ENPP2: variants seen among roughly 807,000 people sequenced by gnomAD.
The protein encoded by ENPP2 is ectonucleotide pyrophosphatase/phosphodiesterase 2, also known as autotaxin.
ENPP2 carries 51 observed loss-of-function variants against 120.2 expected under a neutral mutation model. The observed-to-expected ratio is 0.42, with a 90% CI of 0.34 to 0.54. The LOEUF (loss-of-function observed/expected upper bound fraction) is 0.54. Ranked by LOEUF, ENPP2 falls within the 20% of genes least tolerant of loss-of-function variation. The probability of loss-of-function intolerance (pLI) is 0.04; values close to 1 mark genes in which losing one functional copy is unlikely to be tolerated. For synonymous variants in ENPP2, 365 were observed against 366.4 expected, an observed-to-expected ratio of 1.00 and a Z score of 0.04; for missense variants, 920 against 1,066.5, an observed-to-expected ratio of 0.86 and a Z score of 1.91.
chr8:119,617,703 C>T (rs1207909911), intron 5 of ENPP2, 140 bp from the exon 6 acceptor site: 5 of 630,164 alleles, frequency 7.9e-6, no homozygotes, highest in South Asian at 3.9e-5. Flanking sequence ...AATCCCAGCA[C>T]TTTGGGAGTC....
At chr8:119,606,609 A>T (rs530357648) in intron 9 of ENPP2, among the ~76,000 whole-genome samples, 1 of 151,704 alleles carries the variant, frequency 6.6e-6, no homozygotes, top group Non-Finnish European at 1.5e-5. Context: ...ACCTCTTTAA[A>T]AAAAAAAAAA....
chr8:119,557,434 A>C lies in ENPP2; in HGVS notation c.*87T>G. The C allele has an allele frequency of 9.2e-7, 1 of 1,092,424 alleles. No homozygotes were observed. The highest frequency in any genetic ancestry group is 1.3e-6 in the Non-Finnish European group (1 of 756,668). 67.7% of individuals were successfully genotyped at this position (1,092,424 alleles called of 1,614,324 possible). ...ACAGGATTAAAATACTAACATTTTT[A>C]ATGTCCTGGTTTCAAATTAATAAAT... On this transcript the variant is annotated 3_prime_UTR_variant, in exon 25 of 25. Coordinates refer to ENST00000075322, the MANE Select transcript of ENPP2 (RefSeq NM_001040092.3).
At chr8:119,560,272 C>T (rs927790545) in intron 24 of ENPP2, among the ~76,000 whole-genome samples, 3 of 152,024 alleles carry the variant, frequency 2.0e-5, no homozygotes, top group African/African-American at 7.2e-5. Context: ...AGAATTTCAC[C>T]TCCCTACAAG....
intron 23 of ENPP2, 97 bp downstream of exon 23, chr8:119,564,726 G>T (rs1814265073): frequency 6.8e-6 from 6 of 878,222 alleles, no homozygotes; most frequent in African/African-American, 1.7e-5. Flanking sequence ...AACTTAAGGG[G>T]TGTCATCTCT....
chr8:119,621,681 T>C (rs1214273269), intron 3 of ENPP2, among the ~76,000 whole-genome samples, 162 bp from the exon 4 acceptor site: 1 of 152,192 alleles, frequency 6.6e-6, no homozygotes, highest in East Asian at 1.9e-4. Flanking sequence ...ATTTGGAGAA[T>C]TTACAGATAA....
intron 2 of ENPP2, among the ~76,000 whole-genome samples, chr8:119,629,949 G>A (rs938569046): frequency 3.3e-5 from 5 of 152,124 alleles, no homozygotes; most frequent in South Asian, 4.1e-4. Flanking sequence ...TCATTCCCAC[G>A]AGCTGCTTAA....
chr8:119,617,101 C>T lies in ENPP2; in HGVS notation c.657+63G>A, dbSNP rs16892873. 7,085 of 1,056,708 alleles carry T rather than the reference C, an allele frequency of 6.7e-3. 71 individuals carry two copies. Among genetic ancestry groups the T allele is most frequent in the African/African-American group, 0.043 (2,749 of 64,098 alleles). The allele number at this position is 1,056,708 out of a possible 1,614,324, so 65.5% of individuals were successfully genotyped here. ...ACACGTTTTAAAAGTAAAGTCTCTC[C>T]TTTAAAGTCATTCCAGGATGAAATC... On this transcript the variant is annotated intron_variant, in intron 7 of 24. Coordinates refer to ENST00000075322, the MANE Select transcript of ENPP2 (RefSeq NM_001040092.3).
chr8:119,582,980 G>A (rs1175157496), intron 17 of ENPP2, among the ~76,000 whole-genome samples: 1 of 152,184 alleles, frequency 6.6e-6, no homozygotes, highest in Non-Finnish European at 1.5e-5. Flanking sequence ...TTAATTCCAT[G>A]TTTTGAAATG....
At chr8:119,623,567 AT>A (rs1486887596) in intron 3 of ENPP2, among the ~76,000 whole-genome samples, 1 of 152,058 alleles carries the variant, frequency 6.6e-6, no homozygotes, top group Non-Finnish European at 1.5e-5. Context: ...TTACTATTTA[AT>A]TTTTATTCTT....
intron 7 of ENPP2, 51 bp from the exon 8 acceptor site, chr8:119,616,435 T>TAC: frequency 7.2e-7 from 1 of 1,391,464 alleles, no homozygotes; most frequent in Non-Finnish European, 1.0e-6. Flanking sequence ...ATAATCCACA[T>TAC]ACATTAGTTC....
intron 15 of ENPP2, among the ~76,000 whole-genome samples, chr8:119,585,514 C>A (rs550090548): frequency 3.3e-5 from 5 of 152,284 alleles, no homozygotes; most frequent in Admixed American, 3.3e-4. Context: ...ATTCACAGCA[C>A]TTTTCTTAAG....
At chr8:119,655,952 C>T (rs547918431) in intron 1 of ENPP2, among the ~76,000 whole-genome samples, 2 of 152,310 alleles carry the variant, frequency 1.3e-5, no homozygotes, top group South Asian at 4.1e-4. Context: ...TTTCCCTAGT[C>T]ACTTTAAAAG....
chr8:119,659,320 T>TA lies in ENPP2; in HGVS notation c.21+13931dup, dbSNP rs750701293. Among the ~76,000 whole-genome samples the TA allele has an allele frequency of 6.7e-3, 432 of 64,878 alleles. 13 individuals are homozygous for TA. In the South Asian group the frequency reaches 0.067, roughly 10 times the overall value. 42.6% of individuals were successfully genotyped at this position (64,878 alleles called of 152,430 possible). A position where few individuals can be genotyped will look rare whatever the true frequency, so the allele number is the denominator to read the frequency against. On this transcript the variant is annotated intron_variant, in intron 1 of 25. Transcript: ENST00000427067. Reference sequence around the variant, plus strand: ...CTACAGGACAAGACTCTGTCTCAATTAAAAAAAAAAAAAAAAACCAGAGTT... The same window carrying TA: ...CTACAGGACAAGACTCTGTCTCAATTAAAAAAAAAAAAAAAAAACCAGAGTT...
chr8:119,651,900 A>T (rs1006532880), intron 1 of ENPP2, among the ~76,000 whole-genome samples: 3 of 152,208 alleles, frequency 2.0e-5, no homozygotes, highest in African/African-American at 7.2e-5. Context: ...GTAAGCATCC[A>T]CTGCAGTATT....
At chr8:119,583,660 G>A in intron 17 of ENPP2, 57 bp downstream of exon 17, 1 of 941,096 alleles carries the variant, frequency 1.1e-6, no homozygotes, top group Non-Finnish European at 1.7e-6. Flanking sequence ...CATTGAGAAA[G>A]ATCATATATA....
intron 3 of ENPP2, among the ~76,000 whole-genome samples, chr8:119,623,077 G>A (rs1816017731): frequency 6.6e-6 from 1 of 152,092 alleles, no homozygotes; most frequent in Non-Finnish European, 1.5e-5. Flanking sequence ...CTTAAAATAT[G>A]TGATAAGTGG....
Position 119,619,319 on chromosome 8 carries a change from G to T in ENPP2, c.419-15C>A. The T allele has an allele frequency of 6.3e-7, 1 of 1,582,566 alleles. No individual in the cohort carries two copies. Among genetic ancestry groups the T allele is most frequent in the South Asian group, 1.1e-5 (1 of 90,184 alleles). ...ATGCGACTCTCCTATAAGGAAAAATGGGTAAATGTATTGTTGAATCTAATT... is the reference window on the plus strand; with the variant it reads ...ATGCGACTCTCCTATAAGGAAAAATTGGTAAATGTATTGTTGAATCTAATT... On this transcript the variant is annotated splice_polypyrimidine_tract_variant and intron_variant, in intron 4 of 24. Coordinates refer to ENST00000075322, the MANE Select transcript of ENPP2 (RefSeq NM_001040092.3).
At position 119,626,703 on chromosome 8, in the gene ENPP2, A is replaced by C; in HGVS notation, c.154T>G (p.Trp52Gly). The C allele has an allele frequency of 1.2e-6, 2 of 1,614,058 alleles. No individual in the cohort carries two copies. The highest frequency in any genetic ancestry group is 1.7e-6 in the Non-Finnish European group (2 of 1,179,944). Reference protein sequence around the residue: ...GPPTVLSDSPWTNISGSCKGR... With the variant: ...GPPTVLSDSPGTNISGSCKGR... Reference sequence around the variant, plus strand: ...TTGCAAGATCCGGAGATGTTGGTCCAGGGGGAGTCTGATAGCACTGCAAAG... The same window carrying C: ...TTGCAAGATCCGGAGATGTTGGTCCCGGGGGAGTCTGATAGCACTGCAAAG... The change falls in exon 3 of 25, where the codon TGG becomes GGG. Residue 52 changes from tryptophan to glycine, a missense_variant. Coordinates refer to ENST00000075322, the MANE Select transcript of ENPP2 (RefSeq NM_001040092.3).
At chr8:119,632,347 G>A (rs1341449575) in intron 2 of ENPP2, among the ~76,000 whole-genome samples, 1 of 152,192 alleles carries the variant, frequency 6.6e-6, no homozygotes, top group Non-Finnish European at 1.5e-5. Context: ...AGAAATATGT[G>A]ATAAGTATGA....
Sources: gnomAD v4.1 joint callset for allele counts (sites outside exome capture counted in the v4.1 genomes callset) on GRCh38, gnomAD v4.1.1 for gene constraint, MANE v1.5 for transcripts, NCBI Gene and HGNC (gene_info 2026-07-23, HGNC 2026-07-21) for gene names.